RXRA: variants seen among roughly 807,000 people sequenced by gnomAD.
RXRA encodes the protein retinoid X receptor alpha, also known as retinoic acid receptor RXR-alpha.
RXRA carries 5 observed loss-of-function variants against 44.5 expected under a neutral mutation model. That is an observed-to-expected ratio of 0.11 (90% confidence interval 0.06 to 0.24). The LOEUF is 0.24. Among genes scored for constraint, RXRA ranks in the 10% least tolerant of loss-of-function variants. The probability of loss-of-function intolerance (pLI) is 1.00; values close to 1 mark genes in which losing one functional copy is unlikely to be tolerated. For synonymous variants in RXRA, 291 were observed against 271.4 expected (o/e 1.07, Z -0.71); for missense variants, 412 against 646.5 (o/e 0.64, Z 3.93).
rs552867378 is a variant in RXRA at position 134,372,769 on chromosome 9, C to T, written c.29-28863C>T. 5.3e-5 allele frequency among the ~76,000 whole-genome samples: 8 copies of T among 152,286 alleles called. No homozygotes were observed. In the South Asian group the frequency reaches 1.0e-3, roughly 20 times the overall value. On this transcript the variant is annotated intron_variant, in intron 1 of 9. Transcript: ENST00000481739. ...GGTGGCAGCACAGGGCCCAGCAGGG[C>T]GTGTGCTCCTGTGGGGCAGGCGAGT...
intron 1 of RXRA, among the ~76,000 whole-genome samples, chr9:134,328,516 C>T (rs1366271196): frequency 6.6e-6 from 1 of 152,146 alleles, no homozygotes; most frequent in African/African-American, 2.4e-5. Context: ...GCAGCTCTCC[C>T]GACCGGCCCA....
intron 1 of RXRA, chr9:134,401,420 C>A: frequency 1.4e-6 from 1 of 727,764 alleles, no homozygotes; most frequent in Non-Finnish European, 2.3e-6. Flanking sequence ...CGGGGTCAGG[C>A]GCAGAACAGT....
Position 134,407,596 on chromosome 9 carries a change from T to G in RXRA, c.280-553T>G, listed in dbSNP as rs571497267. Among the ~76,000 whole-genome samples, 1 of 150,862 alleles carries G rather than the reference T, an allele frequency of 6.6e-6. No individual in the cohort carries two copies. The highest frequency in any genetic ancestry group is 1.5e-5 in the Non-Finnish European group (1 of 67,706). The stretch of plus-strand genomic sequence containing the variant: ...TGTCGTGCCACCCGATGCCCGGGGG[T>G]GTCCACTCCCCTCTCCTGGGTCACG... On this transcript the variant is annotated intron_variant, in intron 2 of 9. Coordinates refer to ENST00000481739, the MANE Select transcript of RXRA (RefSeq NM_002957.6). This position sits in a 1 kb window ranked among gnomAD's most constrained non-coding sequence, Gnocchi z 4.8.
At chr9:134,329,667 G>C (rs1269726747) in intron 1 of RXRA, among the ~76,000 whole-genome samples, 4 of 152,156 alleles carry the variant, frequency 2.6e-5, no homozygotes, top group Non-Finnish European at 4.4e-5. Flanking sequence ...GCTGTGACTG[G>C]CTCCCGGCTC....
intron 1 of RXRA, among the ~76,000 whole-genome samples, chr9:134,393,656 G>A (rs1356776950): frequency 1.3e-5 from 2 of 152,204 alleles, no homozygotes; most frequent in African/African-American, 4.8e-5. Flanking sequence ...GAGTAGGCAT[G>A]ACAGGGTGGG....
intron 1 of RXRA, among the ~76,000 whole-genome samples, chr9:134,338,661 C>A (rs1438411760): frequency 6.6e-6 from 1 of 152,226 alleles, no homozygotes; most frequent in Non-Finnish European, 1.5e-5. Context: ...GGATCCCACG[C>A]AGCCTGGACG....
rs943946686 is a variant in RXRA, at chr9:134,345,032, A to G, written c.28+18373A>G. On this transcript the variant is annotated intron_variant, in intron 1 of 9. Coordinates refer to ENST00000481739, the MANE Select transcript of RXRA (RefSeq NM_002957.6). ...CGTGTGCCTGGGGACAGCGGCCAGAATCACGAGGCCCAGTGCTCGAGCTGC... is the reference window on the plus strand; with the variant it reads ...CGTGTGCCTGGGGACAGCGGCCAGAGTCACGAGGCCCAGTGCTCGAGCTGC... Among the ~76,000 whole-genome samples, 5 of 152,292 alleles carry G rather than the reference A, an allele frequency of 3.3e-5. No homozygotes were observed. In the South Asian group the frequency reaches 1.0e-3, roughly 32 times the overall value.
chr9:134,368,720 C>A (rs535706383), intron 1 of RXRA, among the ~76,000 whole-genome samples: 30 of 150,350 alleles, frequency 2.0e-4, no homozygotes, highest in African/African-American at 7.4e-4. Flanking sequence ...TGTGTGACTT[C>A]ATGCCATGTG....
Position 134,417,764 on chromosome 9 carries a change from C to T in RXRA, c.780+437C>T, listed in dbSNP as rs1354185988. On this transcript the variant is annotated intron_variant, in intron 5 of 9. Transcript: ENST00000481739. The surrounding 1 kb of genome is among the most constrained non-coding windows in gnomAD (Gnocchi z 6.1). ...CTCTGCAGGTTGGTTCCAGGGCTGG[C>T]TCTGCCAGCAGCCGTGTGGCCCTGG... Among the ~76,000 whole-genome samples, 3 of 152,178 alleles carry T rather than the reference C, an allele frequency of 2.0e-5. No individual in the cohort carries two copies. The highest frequency in any genetic ancestry group is 4.4e-5 in the Non-Finnish European group (3 of 68,018).
intron 1 of RXRA, among the ~76,000 whole-genome samples, chr9:134,394,307 C>T (rs1051026160): frequency 5.3e-5 from 6 of 113,832 alleles, no homozygotes; most frequent in South Asian, 3.2e-4. Flanking sequence ...ATTGCACGCT[C>T]GCTGGATGCC....
At chr9:134,379,781 G>A (rs34215473) in intron 1 of RXRA, 1 of 985,068 alleles carries the variant, frequency 1.0e-6, no homozygotes, top group Admixed American at 6.1e-5. Context: ...CCTGGGCCCA[G>A]CTGCCCCTAA....
At chr9:134,415,508 C>T (rs1831219040) in intron 4 of RXRA, among the ~76,000 whole-genome samples, 1 of 152,098 alleles carries the variant, frequency 6.6e-6, no homozygotes, top group Admixed American at 6.5e-5. Context: ...CCATGGGTGG[C>T]TGGTGCCTGT....
Position 134,343,741 on chromosome 9 carries a change from C to T in RXRA, c.28+17082C>T, listed in dbSNP as rs185726522. On this transcript the variant is annotated intron_variant, in intron 1 of 9. Coordinates refer to ENST00000481739, the MANE Select transcript of RXRA (RefSeq NM_002957.6). This position sits in a 1 kb window ranked among gnomAD's most constrained non-coding sequence, Gnocchi z 4.1. Reference sequence around the variant, plus strand: ...CCTCGGGACCAACCCTCCATCCGCCCGTCCCCAGCCGGGCGCGGCACTGAG... The same window carrying T: ...CCTCGGGACCAACCCTCCATCCGCCTGTCCCCAGCCGGGCGCGGCACTGAG... 5.9e-5 allele frequency among the ~76,000 whole-genome samples: 9 copies of T among 152,238 alleles called. 1 individual carries two copies. Among genetic ancestry groups the T allele is most frequent in the Admixed American group, 2.6e-4 (4 of 15,300 alleles).
intron 1 of RXRA, among the ~76,000 whole-genome samples, chr9:134,327,147 C>T (rs967971036): frequency 4.6e-5 from 7 of 152,220 alleles, no homozygotes; most frequent in African/African-American, 1.7e-4. Context: ...TGTGTCCGCC[C>T]AGGAAACAGA....
At chr9:134,424,003 G>A (rs995178156) in intron 6 of RXRA, 12 of 985,348 alleles carry the variant, frequency 1.2e-5, no homozygotes, top group East Asian at 1.1e-4. Context: ...GGCTGTGTCC[G>A]TCGCCATGTT....
At chr9:134,335,054 T>G (rs797023503) in intron 1 of RXRA, among the ~76,000 whole-genome samples, 5 of 152,210 alleles carry the variant, frequency 3.3e-5, no homozygotes, top group African/African-American at 1.2e-4. Context: ...CTTTGGGCAC[T>G]GACCTTCCTT....
At chr9:134,378,410 G>A (rs1194804674) in intron 1 of RXRA, among the ~76,000 whole-genome samples, 2 of 152,166 alleles carry the variant, frequency 1.3e-5, no homozygotes, top group African/African-American at 4.8e-5. Flanking sequence ...CACCCAAGAG[G>A]GCTGTGGCCA....
intron 7 of RXRA, among the ~76,000 whole-genome samples, chr9:134,429,779 C>T (rs1429349759): frequency 2.0e-5 from 3 of 152,176 alleles, no homozygotes; most frequent in East Asian, 1.9e-4. Context: ...GGCCCACCCT[C>T]GTCCGGGCCT....
chr9:134,381,976 C>T (rs533150067), intron 1 of RXRA, among the ~76,000 whole-genome samples: 1 of 152,256 alleles, frequency 6.6e-6, no homozygotes, highest in Admixed American at 6.5e-5. Context: ...CTCGGTGTAG[C>T]AGTCAGTGTG....
Sources: allele counts gnomAD v4.1 joint callset (sites outside exome capture counted in the v4.1 genomes callset), GRCh38; gene constraint gnomAD v4.1.1; non-coding constraint Gnocchi (gnomAD v3.1); transcripts MANE v1.5; gene names NCBI Gene and HGNC (gene_info 2026-07-23, HGNC 2026-07-21).